STEEP1: variants seen among roughly 807,000 people sequenced by gnomAD.
The protein encoded by STEEP1 is STING1 ER exit protein 1, also known as STING ER exit protein.
STEEP1 carries 3 observed loss-of-function variants against 19.2 expected under a neutral mutation model. The ratio of observed to expected loss-of-function variants is 0.16; its 90% CI spans 0.07 to 0.40. The LOEUF is 0.40. STEEP1 is among the 10% of genes least tolerant of loss of function. The pLI is 0.99. For synonymous variants in STEEP1, 46 were observed against 63.7 expected, an observed-to-expected ratio of 0.72 and a Z score of 1.32; for missense variants, 54 against 177.1, an observed-to-expected ratio of 0.30 and a Z score of 3.94.
At chrX:119,562,352 A>G (rs1371572604) in intron 1 of STEEP1, among the ~76,000 whole-genome samples, 2 of 111,312 alleles carry the variant, frequency 1.8e-5, no homozygotes, top group Admixed American at 9.6e-5. Context: ...ACCAACATGG[A>G]GAAACCCTGT....
chrX:119,553,766 G>A (rs1178257692), intron 2 of STEEP1, among the ~76,000 whole-genome samples: 4 of 111,807 alleles, frequency 3.6e-5, no homozygotes, highest in African/African-American at 9.7e-5. Flanking sequence ...GGCCAATCCC[G>A]TAAGTTCAAG....
intron 1 of STEEP1, among the ~76,000 whole-genome samples, chrX:119,564,406 G>C (rs779304625): frequency 9.7e-6 from 1 of 103,454 alleles, no homozygotes; most frequent in South Asian, 4.7e-4. Flanking sequence ...TGAGGCAGGA[G>C]AATCACTTGA....
Position 119,562,404 on chromosome X carries a change from A to C in STEEP1, c.125-2019T>G, listed in dbSNP as rs770411810. On this transcript the variant is annotated intron_variant, in intron 1 of 6. Coordinates refer to ENST00000644802, the MANE Select transcript of STEEP1 (RefSeq NM_022101.4). ...CAAAATTAGCTGAGCATGGTGGTGCATGCCTGTAATCCCAGCTACTCGGGA... is the reference window on the plus strand; with the variant it reads ...CAAAATTAGCTGAGCATGGTGGTGCCTGCCTGTAATCCCAGCTACTCGGGA... Among the ~76,000 whole-genome samples, 3 of 110,954 alleles carry C rather than the reference A, an allele frequency of 2.7e-5. No individual in the cohort carries two copies. In the South Asian group the frequency reaches 1.1e-3, roughly 42 times the overall value.
intron 2 of STEEP1, among the ~76,000 whole-genome samples, 186 bp downstream of exon 2, chrX:119,560,082 T>C (rs2053310629): frequency 9.0e-6 from 1 of 110,982 alleles, no homozygotes. Flanking sequence ...TGGAATCACA[T>C]GTGAGCACCA....
At chrX:119,543,739 C>A (rs1356033183) in intron 4 of STEEP1, among the ~76,000 whole-genome samples, 1 of 111,435 alleles carries the variant, frequency 9.0e-6, no homozygotes, top group Non-Finnish European at 1.9e-5. Flanking sequence ...ACTTCTGCCT[C>A]CCAAAGTGCT....
At chrX:119,544,224 G>A in intron 4 of STEEP1, 129 bp downstream of exon 4, 3 of 471,629 alleles carry the variant, frequency 6.4e-6, no homozygotes, top group East Asian at 3.9e-5. Flanking sequence ...ATAAGAAAAA[G>A]ACAAAAAAAG....
intron 2 of STEEP1, among the ~76,000 whole-genome samples, chrX:119,559,363 G>A (rs1027560217): frequency 9.0e-6 from 1 of 111,330 alleles, no homozygotes; most frequent in Admixed American, 9.6e-5. Flanking sequence ...CGACAATTCA[G>A]GTTTCTAAAG....
intron 2 of STEEP1, among the ~76,000 whole-genome samples, chrX:119,555,935 A>G (rs774867157): frequency 9.8e-5 from 11 of 111,718 alleles, no homozygotes; most frequent in Non-Finnish European, 1.9e-4. Context: ...GCTAATAGTA[A>G]TAGAGACCTG....
intron 1 of STEEP1, among the ~76,000 whole-genome samples, chrX:119,564,478 A>C (rs2053343446): frequency 1.3e-5 from 1 of 77,578 alleles, no homozygotes; most frequent in Admixed American, 1.6e-4. Flanking sequence ...CCTGGGCAGC[A>C]GAGTGAGACT....
chrX:119,540,061 C>T (rs768463891), intron 6 of STEEP1, among the ~76,000 whole-genome samples: 2 of 111,482 alleles, frequency 1.8e-5, no homozygotes, highest in Non-Finnish European at 3.8e-5. Flanking sequence ...AGCCCCAGCG[C>T]CCCCCACAGG....
chrX:119,546,440 CA>C (rs140234168), intron 2 of STEEP1, among the ~76,000 whole-genome samples: 53 of 73,563 alleles, frequency 7.2e-4, no homozygotes, highest in East Asian at 3.8e-3. Context: ...GACTCCATCT[CA>C]AAAAAAAAAA....
At chrX:119,554,823 C>T (rs1351958373) in intron 2 of STEEP1, among the ~76,000 whole-genome samples, 1 of 110,477 alleles carries the variant, frequency 9.1e-6, no homozygotes, top group East Asian at 2.9e-4. Context: ...ATCAAGATTT[C>T]AGGCCAGGCA....
chrX:119,549,257 T>C (rs1256092074), intron 2 of STEEP1, among the ~76,000 whole-genome samples: 3 of 112,162 alleles, frequency 2.7e-5, no homozygotes, highest in Non-Finnish European at 3.8e-5. Context: ...TGTGAGGTGA[T>C]AGATACATTA....
chrX:119,561,751 G>C (rs1307337550), intron 1 of STEEP1, among the ~76,000 whole-genome samples: 9 of 111,959 alleles, frequency 8.0e-5, no homozygotes, highest in Non-Finnish European at 1.7e-4. Flanking sequence ...AAGTCAAGTG[G>C]TCAGAGTAAT....
chrX:119,555,744 A>G (rs1249625432), intron 2 of STEEP1, among the ~76,000 whole-genome samples: 1 of 110,965 alleles, frequency 9.0e-6, no homozygotes, highest in Non-Finnish European at 1.9e-5. Context: ...CAGCAGCCAC[A>G]AAAGAGATTA....
At chrX:119,544,536 T>G in intron 3 of STEEP1, 45 bp from the exon 4 acceptor site, 1 of 1,167,272 alleles carries the variant, frequency 8.6e-7, no homozygotes, top group Non-Finnish European at 1.2e-6. Context: ...TAATCCAAAT[T>G]CCCAAAACAG....
chrX:119,546,043 A>C (rs1274790611), intron 2 of STEEP1, among the ~76,000 whole-genome samples: 1 of 111,444 alleles, frequency 9.0e-6, no homozygotes, highest in Non-Finnish European at 1.9e-5. Flanking sequence ...CAGTGTAGTC[A>C]TAATCATAGG....
chrX:119,557,213 A>G (rs1055285249), intron 2 of STEEP1, among the ~76,000 whole-genome samples: 2 of 108,289 alleles, frequency 1.8e-5, no homozygotes, highest in African/African-American at 3.3e-5. Flanking sequence ...ATGTCAGCCT[A>G]TAGTTTTTTT....
chrX:119,546,103 T>C (rs1198412547), intron 2 of STEEP1, among the ~76,000 whole-genome samples: 1 of 109,908 alleles, frequency 9.1e-6, no homozygotes, highest in Non-Finnish European at 1.9e-5. Flanking sequence ...CGGCAACCAC[T>C]TATAAACCCT....
Sources: allele counts gnomAD v4.1 joint callset (sites outside exome capture counted in the v4.1 genomes callset), GRCh38; gene constraint gnomAD v4.1.1; transcripts MANE v1.5; gene names NCBI Gene and HGNC (gene_info 2026-07-23, HGNC 2026-07-21).